Variants in DAB1 observed in about 807,000 individuals in gnomAD.
The protein encoded by DAB1 is DAB adaptor protein 1.
A neutral mutation model predicts 64.6 loss-of-function variants in DAB1; 15 were observed. That is an observed-to-expected ratio of 0.23 (90% CI 0.16 to 0.36). DAB1 has a LOEUF of 0.36. DAB1 is among the 10% of genes least tolerant of loss of function. The probability of loss-of-function intolerance (pLI) is 1.00; values close to 1 mark genes in which losing one functional copy is unlikely to be tolerated. For missense variants in DAB1, 596 were observed against 706.7 expected, an observed-to-expected ratio of 0.84 and a Z score of 1.78; for synonymous variants, 235 against 251.9, an observed-to-expected ratio of 0.93 and a Z score of 0.64.
At chr1:58,291,120 T>A (rs899058463) in intron 4 of DAB1, among the ~76,000 whole-genome samples, 2 of 152,188 alleles carry the variant, frequency 1.3e-5, no homozygotes, top group Non-Finnish European at 2.9e-5. Context: ...AGTAGCAACA[T>A]GTCCTCGACA....
intron 6 of DAB1, among the ~76,000 whole-genome samples, chr1:57,784,873 A>G (rs1342794082): frequency 6.6e-6 from 1 of 152,228 alleles, no homozygotes; most frequent in Non-Finnish European, 1.5e-5. Context: ...ACAGATTTTC[A>G]TTGAAGATAA....
chr1:57,314,497 A>T (rs1675015620), intron 1 of DAB1, among the ~76,000 whole-genome samples: 1 of 152,184 alleles, frequency 6.6e-6, no homozygotes, highest in Admixed American at 6.5e-5. Flanking sequence ...TTTCTGCAGT[A>T]TTGAATGCCA....
chr1:57,755,985 A>G (rs1648787255), intron 6 of DAB1, among the ~76,000 whole-genome samples: 1 of 152,232 alleles, frequency 6.6e-6, no homozygotes, highest in South Asian at 2.1e-4. Flanking sequence ...CATGTGGCAA[A>G]GAACAAAGAA....
chr1:57,546,718 G>T (rs1644860259), intron 7 of DAB1, among the ~76,000 whole-genome samples: 1 of 152,100 alleles, frequency 6.6e-6, no homozygotes, highest in Non-Finnish European at 1.5e-5. Context: ...AGTCATTAAG[G>T]CGTAGGTGTG....
intron 5 of DAB1, among the ~76,000 whole-genome samples, chr1:57,951,252 G>A (rs887322132): frequency 6.9e-6 from 1 of 145,762 alleles, no homozygotes; most frequent in African/African-American, 2.5e-5. Flanking sequence ...ATAGACATTG[G>A]GGGGTGAGGG....
At chr1:58,513,767 TA>T (rs1334021129) in intron 2 of DAB1, among the ~76,000 whole-genome samples, 2 of 152,212 alleles carry the variant, frequency 1.3e-5, no homozygotes, top group Non-Finnish European at 2.9e-5. Flanking sequence ...CACATTATAT[TA>T]ACTCATTTAA....
chr1:57,811,264 G>A (rs753157048), intron 6 of DAB1, among the ~76,000 whole-genome samples: 3 of 152,212 alleles, frequency 2.0e-5, no homozygotes, highest in Non-Finnish European at 4.4e-5. Context: ...TGTCGAAGGT[G>A]GGGGCTGGTG....
intron 4 of DAB1, among the ~76,000 whole-genome samples, chr1:58,336,439 T>C (rs1402764230): frequency 6.6e-6 from 1 of 152,200 alleles, no homozygotes; most frequent in African/African-American, 2.4e-5. Context: ...ATCTTTACAA[T>C]AGTAATAATA....
At chr1:58,081,896 G>A (rs984168068) in intron 5 of DAB1, among the ~76,000 whole-genome samples, 9 of 152,242 alleles carry the variant, frequency 5.9e-5, no homozygotes, top group African/African-American at 1.7e-4. Context: ...TCAGATGCTT[G>A]CATTTCCTAG....
At chr1:58,479,927 A>G (rs1268128998) in intron 3 of DAB1, among the ~76,000 whole-genome samples, 1 of 152,222 alleles carries the variant, frequency 6.6e-6, no homozygotes, top group South Asian at 2.1e-4. Context: ...GTAGATTCAC[A>G]ATACAAAGTA....
chr1:57,350,453 T>C (rs1302254167), intron 1 of DAB1, among the ~76,000 whole-genome samples: 1 of 152,168 alleles, frequency 6.6e-6, no homozygotes, highest in Non-Finnish European at 1.5e-5. Context: ...GCTTGCATGT[T>C]CATGGTAAAT....
chr1:57,360,635 G>C (rs1170731442), intron 1 of DAB1, among the ~76,000 whole-genome samples: 1 of 152,080 alleles, frequency 6.6e-6, no homozygotes, highest in African/African-American at 2.4e-5. Flanking sequence ...TAATTAAAGA[G>C]AATAATTGGA....
intron 4 of DAB1, among the ~76,000 whole-genome samples, chr1:57,099,832 A>G (rs1378348751): frequency 6.6e-6 from 1 of 152,194 alleles, no homozygotes. Context: ...CTGTATTTGA[A>G]TTGATGGTAA....
chr1:57,035,833 CTTTTTTT>C (rs35389635), intron 9 of DAB1, among the ~76,000 whole-genome samples: 5 of 61,916 alleles, frequency 8.1e-5, no homozygotes, highest in South Asian at 1.4e-3. Context: ...CGCACATGCA[CTTTTTTT>C]TTTTTTTTTT....
At chr1:57,049,840 G>A (rs561404566) in intron 9 of DAB1, among the ~76,000 whole-genome samples, 7 of 152,286 alleles carry the variant, frequency 4.6e-5, no homozygotes, top group African/African-American at 1.7e-4. Context: ...GGTCAACAAG[G>A]AGGCAGTAGT....
intron 3 of DAB1, among the ~76,000 whole-genome samples, chr1:58,428,989 T>C (rs61780374): frequency 0.21 from 32,268 of 152,224 alleles, 3,784 homozygotes; most frequent in Middle Eastern, 0.28. Context: ...TCAATCTTGA[T>C]CTGGGTGATG....
At chr1:57,536,363 T>C (rs1178613940) in intron 7 of DAB1, among the ~76,000 whole-genome samples, 1 of 152,218 alleles carries the variant, frequency 6.6e-6, no homozygotes, top group Non-Finnish European at 1.5e-5. Flanking sequence ...ATCATTCGAA[T>C]CAGTGTTATT....
intron 5 of DAB1, among the ~76,000 whole-genome samples, chr1:57,968,101 G>A (rs1645712851): frequency 6.6e-6 from 1 of 151,832 alleles, no homozygotes; most frequent in African/African-American, 2.4e-5. Context: ...AGAGTGTGTG[G>A]ATGTGTGTGT....
At chr1:57,151,575 A>G (rs1190137808) in intron 2 of DAB1, among the ~76,000 whole-genome samples, 1 of 152,158 alleles carries the variant, frequency 6.6e-6, no homozygotes, top group Non-Finnish European at 1.5e-5. Flanking sequence ...ACTAGAGAAC[A>G]GCAATGTAGA....
Sources: gnomAD v4.1 joint callset for allele counts (sites outside exome capture counted in the v4.1 genomes callset) on GRCh38, gnomAD v4.1.1 for gene constraint, MANE v1.5 for transcripts, NCBI Gene and HGNC (gene_info 2026-07-23, HGNC 2026-07-21) for gene names.